GPC5: variants seen among roughly 807,000 people sequenced by gnomAD.
The protein encoded by GPC5 is glypican-5.
In GPC5, 47 loss-of-function variants were observed where a neutral mutation model predicts 53.9. That is an observed-to-expected ratio of 0.87 (90% CI 0.69 to 1.11). The LOEUF is 1.11. Ranked by LOEUF, GPC5 falls within the 50% of genes most tolerant of loss-of-function variation. The pLI is 0.00. For missense variants in GPC5, 748 were observed against 713.1 expected (o/e 1.05, Z -0.56); for synonymous variants, 286 against 263.3 (o/e 1.09, Z -0.84).
At chr13:92,783,866 T>C (rs1876119989) in intron 7 of GPC5, among the ~76,000 whole-genome samples, 1 of 152,104 alleles carries the variant, frequency 6.6e-6, no homozygotes, top group Non-Finnish European at 1.5e-5. Context: ...GAAGAATGTG[T>C]CATACAAAGA....
intron 7 of GPC5, among the ~76,000 whole-genome samples, chr13:92,414,328 A>C (rs1268902142): frequency 6.6e-6 from 1 of 151,890 alleles, no homozygotes; most frequent in Admixed American, 6.6e-5. Flanking sequence ...AACATGGTGA[A>C]ACCCCATCTC....
intron 7 of GPC5, among the ~76,000 whole-genome samples, chr13:92,706,603 T>C (rs994284961): frequency 1.3e-5 from 2 of 152,126 alleles, no homozygotes; most frequent in African/African-American, 4.8e-5. Flanking sequence ...CAGCCCTTAC[T>C]CTGCCTGCTC....
chr13:91,813,360 C>T (rs1293852573), intron 5 of GPC5, among the ~76,000 whole-genome samples: 13 of 152,192 alleles, frequency 8.5e-5, no homozygotes, highest in Non-Finnish European at 1.6e-4. Context: ...GAAATTTTCA[C>T]GAGCTTTTGA....
intron 2 of GPC5, among the ~76,000 whole-genome samples, chr13:91,504,772 A>G (rs1291431521): frequency 6.6e-6 from 1 of 152,022 alleles, no homozygotes; most frequent in Non-Finnish European, 1.5e-5. Flanking sequence ...AGCCTGGACA[A>G]CATAGTGAGA....
intron 6 of GPC5, among the ~76,000 whole-genome samples, chr13:91,942,579 A>G (rs183204517): frequency 2.4e-4 from 36 of 152,232 alleles, no homozygotes; most frequent in Admixed American, 5.9e-4. Context: ...AATATGCAAT[A>G]TATTACAAAA....
chr13:92,515,594 C>A (rs980022948), intron 7 of GPC5, among the ~76,000 whole-genome samples: 3 of 152,140 alleles, frequency 2.0e-5, no homozygotes, highest in Non-Finnish European at 4.4e-5. Context: ...ATTTTATATA[C>A]CCTCATAATA....
intron 7 of GPC5, among the ~76,000 whole-genome samples, chr13:92,516,557 T>A (rs1353969779): frequency 6.6e-6 from 1 of 152,180 alleles, no homozygotes; most frequent in Non-Finnish European, 1.5e-5. Context: ...TTATTCAGTG[T>A]GGAAGGTGTT....
At chr13:92,397,624 A>G (rs1021387200) in intron 7 of GPC5, among the ~76,000 whole-genome samples, 1 of 152,116 alleles carries the variant, frequency 6.6e-6, no homozygotes, top group African/African-American at 2.4e-5. Flanking sequence ...TCTAAATTTC[A>G]TGGTGATGGT....
chr13:91,438,435 G>C (rs376695803), intron 1 of GPC5, among the ~76,000 whole-genome samples: 4 of 152,058 alleles, frequency 2.6e-5, no homozygotes, highest in Non-Finnish European at 4.4e-5. Flanking sequence ...ACTCCAGACC[G>C]TGTTTGCCTG....
chr13:91,999,442 GC>G (rs1393109597), intron 6 of GPC5, among the ~76,000 whole-genome samples: 2 of 151,964 alleles, frequency 1.3e-5, no homozygotes, highest in Non-Finnish European at 2.9e-5. Context: ...TCCCCATTTT[GC>G]TTAAAATTTT....
chr13:91,523,092 C>T (rs1309837175), intron 2 of GPC5, among the ~76,000 whole-genome samples: 1 of 152,128 alleles, frequency 6.6e-6, no homozygotes, highest in Non-Finnish European at 1.5e-5. Context: ...CAAAAGATAA[C>T]AAGTGTTGGC....
At position 92,010,445 on chromosome 13, in the gene GPC5, A is replaced by G. The variant is rs543024617; in HGVS notation, c.1401+102388A>G. ...GAGTTTTATCTGGCAAGGGAAAAAA[A>G]GTTGAGGAAGTGCTAATTGGATTTT... On this transcript the variant is annotated intron_variant, in intron 6 of 7. Coordinates refer to ENST00000377067, the MANE Select transcript of GPC5 (RefSeq NM_004466.6). 5.3e-5 allele frequency among the ~76,000 whole-genome samples: 8 copies of G among 152,322 alleles called. 1 individual carries two copies. In the South Asian group the frequency reaches 1.7e-3, roughly 32 times the overall value.
intron 7 of GPC5, among the ~76,000 whole-genome samples, chr13:92,468,310 A>G (rs1172146077): frequency 6.6e-6 from 1 of 152,142 alleles, no homozygotes; most frequent in Non-Finnish European, 1.5e-5. Context: ...GCTTAAATAA[A>G]GCTGTGCAGG....
intron 2 of GPC5, among the ~76,000 whole-genome samples, chr13:91,526,004 GTAGTTGAGAAT>G: frequency 6.6e-6 from 1 of 152,158 alleles, no homozygotes; most frequent in Non-Finnish European, 1.5e-5. Flanking sequence ...GGGGGAGTAA[GTAGTTGAGAAT>G]TTTGGGGATT....
chr13:91,919,552 CAT>C (rs1342623499), intron 6 of GPC5, among the ~76,000 whole-genome samples: 1 of 152,160 alleles, frequency 6.6e-6, no homozygotes, highest in Non-Finnish European at 1.5e-5. Context: ...AATTTGGCCA[CAT>C]GTTACAATTC....
intron 5 of GPC5, among the ~76,000 whole-genome samples, chr13:91,901,139 G>A (rs1167626914): frequency 6.6e-6 from 1 of 151,768 alleles, no homozygotes; most frequent in Non-Finnish European, 1.5e-5. Context: ...TTCTTAATAG[G>A]AAATTTGTTA....
chr13:92,642,033 C>T (rs1358400210), intron 7 of GPC5, among the ~76,000 whole-genome samples: 1 of 152,014 alleles, frequency 6.6e-6, no homozygotes, highest in Non-Finnish European at 1.5e-5. Flanking sequence ...CACATAGTCT[C>T]ATTTTCACTG....
intron 2 of GPC5, among the ~76,000 whole-genome samples, chr13:91,562,188 T>TAAA (rs10603242): frequency 0.031 from 1,386 of 45,070 alleles, 35 homozygotes; most frequent in Non-Finnish European, 0.038. Flanking sequence ...GGAGCAACAG[T>TAAA]AAAAAAAAAA....
At chr13:91,793,979 A>C (rs1350755837) in intron 5 of GPC5, among the ~76,000 whole-genome samples, 21 of 152,126 alleles carry the variant, frequency 1.4e-4, no homozygotes. Context: ...CCCTCTGGTG[A>C]GGGTTTGAGA....
Sources: allele counts gnomAD v4.1 joint callset (sites outside exome capture counted in the v4.1 genomes callset), GRCh38; gene constraint gnomAD v4.1.1; transcripts MANE v1.5; gene names NCBI Gene and HGNC (gene_info 2026-07-23, HGNC 2026-07-21).